Variants in COL5A1 observed in about 807,000 individuals in gnomAD.
COL5A1 encodes collagen type V alpha 1 chain, also known as collagen alpha-1(V) chain.
In COL5A1, 16 loss-of-function variants were observed where a neutral mutation model predicts 263.7. That is an observed-to-expected ratio of 0.06 (90% CI 0.04 to 0.09). The LOEUF (loss-of-function observed/expected upper bound fraction) is 0.09, where lower values mean the gene tolerates loss of function less well. Among genes scored for constraint, COL5A1 ranks in the 10% least tolerant of loss-of-function variants. The probability of loss-of-function intolerance (pLI) is 1.00; values close to 1 mark genes in which losing one functional copy is unlikely to be tolerated. For synonymous variants in COL5A1, 1,012 were observed against 1,004.5 expected (o/e 1.01, Z -0.14); for missense variants, 2,036 against 2,540.5 (o/e 0.80, Z 4.27).
At chr9:134,778,062 T>G in intron 27 of COL5A1, among the ~76,000 whole-genome samples, 1 of 152,184 alleles carries the variant, frequency 6.6e-6, no homozygotes, top group South Asian at 2.1e-4. Flanking sequence ...AAGCCCTTCT[T>G]GGTGGGGTTC....
chr9:134,657,136 T>A (rs868725851), intron 1 of COL5A1, among the ~76,000 whole-genome samples: 17 of 182 alleles, frequency 0.093, no homozygotes, highest in Admixed American at 0.25. Context: ...GGGGGCAGGG[T>A]AGGGGGTGTA....
Position 134,754,423 on chromosome 9 carries a change from A to ACCTGGCTT in COL5A1, c.1827+98_1827+99insCTGGCTTC. ...GGCACCCCCAACAGCCAGCTGGGCCACATGAAGCCAGGTGGCTCCCCTTCT... is the reference window on the plus strand; with the variant it reads ...GGCACCCCCAACAGCCAGCTGGGCCACCTGGCTTCATGAAGCCAGGTGGCTCCCCTTCT... On this transcript the variant is annotated intron_variant, in intron 16 of 65. Coordinates refer to ENST00000371817, the MANE Select transcript of COL5A1 (RefSeq NM_000093.5). The surrounding 1 kb of genome is among the most constrained non-coding windows in gnomAD (Gnocchi z 4.3). 1 of 1,390,862 alleles carries ACCTGGCTT rather than the reference A, an allele frequency of 7.2e-7. No homozygotes were observed. The highest frequency in any genetic ancestry group is 1.0e-6 in the Non-Finnish European group (1 of 979,062). The allele number at this position is 1,390,862 out of a possible 1,614,324, so 86.2% of individuals were successfully genotyped here.
intron 1 of COL5A1, among the ~76,000 whole-genome samples, chr9:134,663,429 T>G (rs1052440110): frequency 2.4e-4 from 37 of 151,762 alleles, no homozygotes; most frequent in African/African-American, 8.5e-4. Context: ...GCTGGGGAGG[T>G]GCAAGGAGGC....
At chr9:134,658,978 G>A (rs996592226) in intron 1 of COL5A1, among the ~76,000 whole-genome samples, 3 of 152,226 alleles carry the variant, frequency 2.0e-5, no homozygotes, top group African/African-American at 7.2e-5. Context: ...GACCCCAAGT[G>A]CCTTCACACT....
Position 134,799,382 on chromosome 9 carries a change from G to A in COL5A1, c.2952+921G>A, listed in dbSNP as rs149429623. 5.1e-4 allele frequency among the ~76,000 whole-genome samples: 78 copies of A among 152,322 alleles called. 1 individual carries two copies. The highest frequency in any genetic ancestry group is 1.7e-3 in the African/African-American group (70 of 41,582). On this transcript the variant is annotated intron_variant, in intron 37 of 65. Transcript: ENST00000371817. ...TGAATATCTGGGGACGTGCAGTGTCGGGTGACTTCCTCGTCACCACGCTGT... is the reference window on the plus strand; with the variant it reads ...TGAATATCTGGGGACGTGCAGTGTCAGGTGACTTCCTCGTCACCACGCTGT...
At chr9:134,733,959 G>A (rs1834999066) in intron 9 of COL5A1, among the ~76,000 whole-genome samples, 1 of 152,196 alleles carries the variant, frequency 6.6e-6, no homozygotes, top group African/African-American at 2.4e-5. Flanking sequence ...TCTCAGGGTG[G>A]GCAGGTGCCC....
Position 134,812,522 on chromosome 9 carries a change from C to T in COL5A1, c.3744+20C>T, listed in dbSNP as rs763386608. 3.7e-6 allele frequency: 6 copies of T among 1,613,704 alleles called. No homozygotes were observed. The highest frequency in any genetic ancestry group is 1.1e-5 in the South Asian group (1 of 91,076). ...CAGATGGTAAGTGTGCCTGAGACTC[C>T]AAGGCCTTGCCGTACTAGCGGCTCA... On this transcript the variant is annotated intron_variant, in intron 47 of 65. Coordinates refer to ENST00000371817, the MANE Select transcript of COL5A1 (RefSeq NM_000093.5).
In COL5A1 at chr9:134,818,214, G is replaced by T. The variant is rs1838839809; in HGVS notation, c.4230+383G>T. ...GTCCGATGGTGACCGTGTCTGCTGC[G>T]GGGCCCGTGCAGAAGATGGGACGCC... On this transcript the variant is annotated intron_variant, in intron 54 of 65. Coordinates refer to ENST00000371817, the MANE Select transcript of COL5A1 (RefSeq NM_000093.5). This position sits in a 1 kb window ranked among gnomAD's most constrained non-coding sequence, Gnocchi z 6.0. Among the ~76,000 whole-genome samples the T allele has an allele frequency of 6.6e-6, 1 of 152,194 alleles. No homozygotes were observed. The highest frequency in any genetic ancestry group is 2.1e-4 in the South Asian group (1 of 4,826).
intron 11 of COL5A1, among the ~76,000 whole-genome samples, chr9:134,745,767 C>T (rs1835488694): frequency 6.6e-6 from 1 of 152,302 alleles, no homozygotes; most frequent in African/African-American, 2.4e-5. Context: ...TGTCTTCTCT[C>T]TTAGTTCTGG....
At chr9:134,756,560 C>T in intron 16 of COL5A1, among the ~76,000 whole-genome samples, 1 of 152,226 alleles carries the variant, frequency 6.6e-6, no homozygotes, top group East Asian at 1.9e-4. Flanking sequence ...CCCGTGTGTT[C>T]CATCCGTTGG....
rs546723796 is a variant in COL5A1, at chr9:134,836,116, A to G, written c.5370+912A>G. The stretch of plus-strand genomic sequence containing the variant: ...GCAGCCCTTAGCGCCTCGCTCCTTT[A>G]GTGTTTGTAGAAAGGCACGCCTGAG... On this transcript the variant is annotated intron_variant, in intron 65 of 65. Transcript: ENST00000371817. Among the ~76,000 whole-genome samples, 156 of 152,150 alleles carry G rather than the reference A, an allele frequency of 1.0e-3. 1 individual carries two copies. The highest frequency in any genetic ancestry group is 2.0e-3 in the Non-Finnish European group (135 of 67,992).
intron 1 of COL5A1, among the ~76,000 whole-genome samples, chr9:134,645,689 G>A (rs192774436): frequency 7.2e-5 from 11 of 152,364 alleles, no homozygotes; most frequent in Non-Finnish European, 1.3e-4. Context: ...GGGCAGGGAT[G>A]CCAGGCAGAT....
At chr9:134,839,177 A>G (rs1221829014) in intron 65 of COL5A1, among the ~76,000 whole-genome samples, 1 of 152,180 alleles carries the variant, frequency 6.6e-6, no homozygotes, top group African/African-American at 2.4e-5. Context: ...GGGGCCGCTG[A>G]GCGGGCCCAG....
At chr9:134,816,694 C>T (rs954289193) in intron 52 of COL5A1, among the ~76,000 whole-genome samples, 3 of 152,238 alleles carry the variant, frequency 2.0e-5, no homozygotes, top group African/African-American at 4.8e-5. Flanking sequence ...CGATTCTTGT[C>T]CCCCCTTCTG....
intron 39 of COL5A1, among the ~76,000 whole-genome samples, chr9:134,803,920 C>T (rs1838202367): frequency 6.6e-6 from 1 of 152,070 alleles, no homozygotes; most frequent in Non-Finnish European, 1.5e-5. Context: ...TGTTTTTATC[C>T]CACCTCTTGG....
At chr9:134,751,009 T>G in intron 13 of COL5A1, 127 bp downstream of exon 13, 1 of 841,048 alleles carries the variant, frequency 1.2e-6, no homozygotes, top group Non-Finnish European at 2.0e-6. Flanking sequence ...CCAGAATGCC[T>G]GCTTGCTGGG....
chr9:134,823,316 C>A (rs544866170), intron 60 of COL5A1, 100 bp from the exon 61 acceptor site: 1 of 1,333,082 alleles, frequency 7.5e-7, no homozygotes, highest in East Asian at 2.3e-5. Flanking sequence ...AGGGCCACCT[C>A]CCCCACATAG....
At chr9:134,709,794 C>T (rs1437520432) in intron 4 of COL5A1, among the ~76,000 whole-genome samples, 5 of 152,180 alleles carry the variant, frequency 3.3e-5, no homozygotes, top group African/African-American at 1.2e-4. Flanking sequence ...GGGCTGACGG[C>T]GGATGTTCTG....
At position 134,835,114 on chromosome 9, in the gene COL5A1, C is replaced by T. The variant is rs767284056; in HGVS notation, c.5280C>T (p.Tyr1760=). The change falls in exon 65 of 66, where the codon TAC becomes TAT. Residue 1760 remains tyrosine (Y), a synonymous_variant. Transcript: ENST00000371817. ...GGCAGGACGCAGCCACGGGCAGCTACGACAAGGCCCTCCGCTTCCTGGGCT... is the reference window on the plus strand; with the variant it reads ...GGCAGGACGCAGCCACGGGCAGCTATGACAAGGCCCTCCGCTTCCTGGGCT... The part of the protein sequence containing the change: ...VAWQDAATGS[Y]DKALRFLGSN... The T allele has an allele frequency of 4.7e-5, 76 of 1,613,828 alleles. 1 individual carries two copies. Among genetic ancestry groups the T allele is most frequent in the South Asian group, 2.9e-4 (26 of 91,086 alleles).
Sources: gnomAD v4.1 joint callset for allele counts (sites outside exome capture counted in the v4.1 genomes callset) on GRCh38, gnomAD v4.1.1 for gene constraint, Gnocchi (gnomAD v3.1) non-coding constraint, MANE v1.5 for transcripts, NCBI Gene and HGNC (gene_info 2026-07-23, HGNC 2026-07-21) for gene names.